LAMA2: variants seen among roughly 807,000 people sequenced by gnomAD.
The protein encoded by LAMA2 is laminin subunit alpha 2, also known as laminin subunit alpha-2.
LAMA2 carries 269 observed loss-of-function variants against 364.8 expected under a neutral mutation model. The observed-to-expected ratio is 0.74, with a 90% CI of 0.67 to 0.82. The LOEUF (loss-of-function observed/expected upper bound fraction) is 0.82, where lower values mean the gene tolerates loss of function less well. LAMA2 is among the 40% of genes least tolerant of loss of function. LAMA2 has a pLI of 0.00. For synonymous variants in LAMA2, 1,379 were observed against 1,370.6 expected, an observed-to-expected ratio of 1.01 and a Z score of -0.14; for missense variants, 3,807 against 3,873.2, an observed-to-expected ratio of 0.98 and a Z score of 0.45.
chr6:129,066,044 T>TTTTTTTTTTTTTTTTTC (rs1789291759), intron 3 of LAMA2, among the ~76,000 whole-genome samples: 1 of 20,782 alleles, frequency 4.8e-5, no homozygotes, highest in African/African-American at 9.2e-5. Context: ...TCAGGTTTTT[T>TTTTTTTTTTTTTTTTTC]TTTTTTTTTT....
intron 58 of LAMA2, among the ~76,000 whole-genome samples, chr6:129,496,471 C>G (rs1785203560): frequency 6.6e-6 from 1 of 152,054 alleles, no homozygotes; most frequent in Non-Finnish European, 1.5e-5. Flanking sequence ...CGGCCTATTT[C>G]CCCTTCTTTT....
intron 1 of LAMA2, among the ~76,000 whole-genome samples, chr6:128,917,734 C>CTTTTTTTTTTTTT (rs147581913): frequency 8.9e-6 from 1 of 111,762 alleles, no homozygotes; most frequent in Non-Finnish European, 1.8e-5. Context: ...TTCTTTCTTT[C>CTTTTTTTTTTTTT]TTTTTTTTTT....
Position 129,300,769 on chromosome 6 carries a change from A to T in LAMA2, c.3071A>T (p.Asp1024Val). The change falls in exon 22 of 65, where the codon GAC becomes GTC. Residue 1024 changes from aspartate (D) to valine (V), a missense_variant. By Grantham distance (152) the Asp-to-Val change is radical (BLOSUM62 -3). Around this residue, in one of 3 missense-constraint regions of LAMA2, gnomAD observed 3,333 missense variants for 3,345.7 expected, o/e 1.00. Transcript: ENST00000421865. ...CECSHLGNNC[D>V]PKTGRCICPP... Reference sequence around the variant, plus strand: ...TGTTCTCATCTGGGTAATAATTGTGACCCAAAGACTGGGCGATGCATTTGC... The same window carrying T: ...TGTTCTCATCTGGGTAATAATTGTGTCCCAAAGACTGGGCGATGCATTTGC... 6.2e-7 allele frequency: 1 copy of T among 1,613,778 alleles called. No homozygotes were observed. The highest frequency in any genetic ancestry group is 8.5e-7 in the Non-Finnish European group (1 of 1,179,734).
At chr6:129,098,151 T>C (rs756066851) in intron 3 of LAMA2, 22 bp from the exon 4 acceptor site, 8 of 1,609,046 alleles carry the variant, frequency 5.0e-6, no homozygotes, top group Non-Finnish European at 6.8e-6. Context: ...TCAATGTTAT[T>C]GTTGTTGTTA....
At chr6:128,950,766 ATATT>A (rs1442075697) in intron 1 of LAMA2, among the ~76,000 whole-genome samples, 11 of 152,116 alleles carry the variant, frequency 7.2e-5, no homozygotes, top group African/African-American at 1.4e-4. Context: ...TATAACATTA[ATATT>A]TATTAACACA....
intron 14 of LAMA2, among the ~76,000 whole-genome samples, chr6:129,260,107 A>G (rs1311136835): frequency 1.3e-5 from 2 of 152,278 alleles, no homozygotes; most frequent in East Asian, 3.9e-4. Flanking sequence ...AAAAGTACCA[A>G]TAAAATGAAG....
intron 15 of LAMA2, among the ~76,000 whole-genome samples, chr6:129,266,493 A>T (rs1787525429): frequency 6.6e-6 from 1 of 152,200 alleles, no homozygotes; most frequent in East Asian, 1.9e-4. Context: ...TTTTGTGTAA[A>T]TTTGAGAAAG....
intron 1 of LAMA2, among the ~76,000 whole-genome samples, chr6:129,034,000 T>G (rs1026746907): frequency 1.3e-5 from 2 of 152,070 alleles, no homozygotes; most frequent in African/African-American, 4.8e-5. Flanking sequence ...ACTCTAATTT[T>G]AAATGGGTGA....
At chr6:129,360,898 A>G (rs1777421676) in intron 32 of LAMA2, among the ~76,000 whole-genome samples, 1 of 152,162 alleles carries the variant, frequency 6.6e-6, no homozygotes, top group Non-Finnish European at 1.5e-5. Context: ...TCTTGTATGA[A>G]GTAAAAACTG....
At chr6:129,359,352 G>A (rs1046090938) in intron 32 of LAMA2, among the ~76,000 whole-genome samples, 7 of 150,002 alleles carry the variant, frequency 4.7e-5, no homozygotes, top group African/African-American at 1.7e-4. Flanking sequence ...CATAAATATC[G>A]TTACTTGGTA....
intron 18 of LAMA2, among the ~76,000 whole-genome samples, chr6:129,287,233 C>T (rs1353005020): frequency 1.3e-5 from 2 of 151,592 alleles, no homozygotes; most frequent in Non-Finnish European, 2.9e-5. Context: ...GGCATGCTTT[C>T]TCAGACTTCC....
intron 27 of LAMA2, among the ~76,000 whole-genome samples, chr6:129,316,985 T>C (rs1421841586): frequency 2.0e-5 from 3 of 152,214 alleles, no homozygotes; most frequent in Non-Finnish European, 4.4e-5. Flanking sequence ...GATTGTTTAA[T>C]TTGAAAGAGT....
At chr6:129,231,266 A>G (rs1362779193) in intron 12 of LAMA2, among the ~76,000 whole-genome samples, 1 of 152,124 alleles carries the variant, frequency 6.6e-6, no homozygotes, top group Non-Finnish European at 1.5e-5. Context: ...ATTATTTTGA[A>G]ATTATGCTTT....
intron 55 of LAMA2, among the ~76,000 whole-genome samples, chr6:129,482,600 A>G (rs973298474): frequency 1.3e-5 from 2 of 152,200 alleles, no homozygotes; most frequent in Non-Finnish European, 2.9e-5. Context: ...TTAAAAATCA[A>G]TTTTAGTATG....
At chr6:129,035,615 G>C (rs926027210) in intron 1 of LAMA2, among the ~76,000 whole-genome samples, 2 of 147,500 alleles carry the variant, frequency 1.4e-5, no homozygotes, top group African/African-American at 5.0e-5. Flanking sequence ...ATTTTTCCTA[G>C]GTTTTCTTTT....
At chr6:129,306,356 T>C (rs540103926) in intron 22 of LAMA2, among the ~76,000 whole-genome samples, 53 of 150,112 alleles carry the variant, frequency 3.5e-4, no homozygotes, top group African/African-American at 1.2e-3. Context: ...TGTTTTTTTT[T>C]TTTCCGAAGA....
intron 3 of LAMA2, among the ~76,000 whole-genome samples, chr6:129,071,965 C>CAAACAAAACA (rs367979054): frequency 2.0e-5 from 3 of 151,864 alleles, no homozygotes; most frequent in Non-Finnish European, 4.4e-5. Flanking sequence ...TCATCTCTAC[C>CAAACAAAACA]AAACAAAACA....
In LAMA2 at chr6:129,159,114, G is replaced by C. The variant is rs923209225; in HGVS notation, c.1206+4431G>C. ...AATAATCTGATGTAAATGTATAGCT[G>C]AGTCATTGTTCAATTGTAATGTTTC... is the stretch of plus-strand genomic sequence containing the variant. On this transcript the variant is annotated intron_variant, in intron 8 of 64. Transcript: ENST00000421865. 1.3e-5 allele frequency: 21 copies of C among 1,576,434 alleles called. 1 individual carries two copies. The Admixed American group carries it at 1.3e-4, about 10-fold the overall frequency.
At chr6:129,174,386 G>A (rs375755056) in intron 9 of LAMA2, among the ~76,000 whole-genome samples, 4 of 150,666 alleles carry the variant, frequency 2.7e-5, no homozygotes, top group South Asian at 2.1e-4. Flanking sequence ...TTTTATTTTC[G>A]GAATCTGTTA....
Sources: gnomAD v4.1 joint callset for allele counts (sites outside exome capture counted in the v4.1 genomes callset) on GRCh38, gnomAD v4.1.1 for gene constraint, gnomAD v4.1.1 regional missense constraint, MANE v1.5 for transcripts, NCBI Gene and HGNC (gene_info 2026-07-23, HGNC 2026-07-21) for gene names.